The following TMC5 variants were observed in gnomAD, a reference collection of about 807,000 sequenced individuals.
TMC5 encodes transmembrane channel like 5.
A neutral mutation model predicts 110.5 loss-of-function variants in TMC5; 86 were observed. That is an observed-to-expected ratio of 0.78 (90% CI 0.65 to 0.93). TMC5 has a LOEUF of 0.93. Among genes scored for constraint, TMC5 ranks in the 40% least tolerant of loss-of-function variants. The probability of loss-of-function intolerance (pLI) is 0.00; values close to 1 mark genes in which losing one functional copy is unlikely to be tolerated. For synonymous variants in TMC5, 455 were observed against 439.5 expected (o/e 1.04, Z -0.44); for missense variants, 1,144 against 1,222.8 (o/e 0.94, Z 0.96).
intron 18 of TMC5, among the ~76,000 whole-genome samples, chr16:19,490,965 C>G (rs1968888448): frequency 9.1e-6 from 1 of 110,484 alleles, no homozygotes; most frequent in Non-Finnish European, 1.8e-5. Flanking sequence ...CTTCCCCTCC[C>G]TTCCCTTCCC....
At chr16:19,489,968 A>G (rs1968846203) in intron 17 of TMC5, among the ~76,000 whole-genome samples, 1 of 151,090 alleles carries the variant, frequency 6.6e-6, no homozygotes, top group African/African-American at 2.4e-5. Context: ...ATTTTTTTGT[A>G]GAGATGGAGT....
chr16:19,464,042 C>CA lies in TMC5; in HGVS notation c.1485+18_1485+19insA. 1 of 1,611,072 alleles carries CA rather than the reference C, an allele frequency of 6.2e-7. No homozygotes were observed. Among genetic ancestry groups the CA allele is most frequent in the Non-Finnish European group, 8.5e-7 (1 of 1,178,444 alleles). ...CTGGGGTGGTAAGTCCTCCACTTCC[C>CA]CTACCCCAAGTGCACCAATCACCTC... On this transcript the variant is annotated intron_variant, in intron 8 of 21. Transcript: ENST00000542583.
chr16:19,454,082 C>G (rs753198248), intron 5 of TMC5, among the ~76,000 whole-genome samples: 13 of 152,084 alleles, frequency 8.5e-5, no homozygotes, highest in Non-Finnish European at 1.3e-4. Context: ...GAGTTTCACT[C>G]TGTCCCCCAG....
At chr16:19,429,994 A>G (rs1449136524) in intron 1 of TMC5, among the ~76,000 whole-genome samples, 1 of 151,804 alleles carries the variant, frequency 6.6e-6, no homozygotes, top group Non-Finnish European at 1.5e-5. Flanking sequence ...GCGGACTGGG[A>G]CTTGAACATA....
chr16:19,470,831 C>T (rs1002156464), intron 10 of TMC5, among the ~76,000 whole-genome samples: 3 of 149,732 alleles, frequency 2.0e-5, no homozygotes, highest in Non-Finnish European at 4.4e-5. Context: ...CAGGAGTTCA[C>T]GACCAGCTTG....
rs752007819 is a variant in TMC5, at chr16:19,444,192, C to T, written c.900C>T (p.Ser300=). 1 of 1,613,980 alleles carries T rather than the reference C, an allele frequency of 6.2e-7. No homozygotes were observed. Residue 300 remains serine, a synonymous_variant, in exon 4 of 22, where the codon TCC becomes TCT. Coordinates refer to ENST00000542583, the MANE Select transcript of TMC5 (RefSeq NM_001261841.2). ...ACCCTGAAGGCATTGAAATGGCATC[C>T]ATGGAGATGGCAAACTCATATGGCC... is the stretch of plus-strand genomic sequence containing the variant. The part of the protein sequence containing the change: ...NDYPEGIEMA[S]MEMANSYGHS...
At chr16:19,474,033 C>T (rs1245773811) in intron 11 of TMC5, 92 bp from the exon 12 acceptor site, 2 of 1,274,780 alleles carry the variant, frequency 1.6e-6, no homozygotes, top group Non-Finnish European at 2.1e-6. Flanking sequence ...GGAGCTACTT[C>T]TCGGGTTTTC....
intron 2 of TMC5, among the ~76,000 whole-genome samples, chr16:19,437,866 GA>G (rs1306039388): frequency 6.6e-6 from 1 of 152,268 alleles, no homozygotes; most frequent in African/African-American, 2.4e-5. Context: ...CCACCCCAGT[GA>G]AATAAGAGCA....
intron 5 of TMC5, among the ~76,000 whole-genome samples, chr16:19,452,817 TA>T (rs992907507): frequency 1.3e-5 from 2 of 151,990 alleles, no homozygotes; most frequent in Admixed American, 6.6e-5. Context: ...AGAATTTCTT[TA>T]TGGCCAACTC....
At chr16:19,453,043 G>A (rs1462370331) in intron 5 of TMC5, among the ~76,000 whole-genome samples, 1 of 150,478 alleles carries the variant, frequency 6.6e-6, no homozygotes. Context: ...AACCCTGGTA[G>A]AAGAGGAGTC....
Position 19,440,274 on chromosome 16 carries a change from G to A in TMC5, c.236G>A (p.Ser79Asn). 5.0e-6 allele frequency: 8 copies of A among 1,614,112 alleles called. No homozygotes were observed. The highest frequency in any genetic ancestry group is 6.8e-6 in the Non-Finnish European group (8 of 1,180,022). Residue 79 changes from serine to asparagine, a missense_variant, in exon 3 of 22, where the codon AGT (serine) becomes AAT (asparagine). Physicochemically the swap from Ser to Asn is conservative, Grantham distance 46. Coordinates refer to ENST00000542583, the MANE Select transcript of TMC5 (RefSeq NM_001261841.2). ...LAEPNYPRSL[S>N]NPDYSGTRSN... ...GAACCAAATTATCCTAGATCTCTGAGTAATCCAGACTATTCTGGCACCAGA... is the reference window on the plus strand; with the variant it reads ...GAACCAAATTATCCTAGATCTCTGAATAATCCAGACTATTCTGGCACCAGA...
Position 19,440,156 on chromosome 16 carries a change from G to T in TMC5, c.118G>T (p.Gly40Cys). The T allele has an allele frequency of 6.2e-7, 1 of 1,614,104 alleles. No individual in the cohort carries two copies. Among genetic ancestry groups the T allele is most frequent in the Non-Finnish European group, 8.5e-7 (1 of 1,180,018 alleles). The change falls in exon 3 of 22, where the codon GGT (glycine) becomes TGT (cysteine). Residue 40 changes from glycine (G) to cysteine (C), a missense_variant. Coordinates refer to ENST00000542583, the MANE Select transcript of TMC5 (RefSeq NM_001261841.2). ...AACTCAAGGTTATCCAGATGTTCCA[G>T]GTCCTCTGAACAATCCAGACTACCC... Reference protein sequence around the residue: ...LKTQGYPDVPGPLNNPDYPGT... With the variant: ...LKTQGYPDVPCPLNNPDYPGT...
chr16:19,411,552 C>G (rs1048254026), intron 1 of TMC5: 1 of 152,190 alleles, frequency 6.6e-6, no homozygotes, highest in African/African-American at 2.4e-5. Context: ...TGAATATTAT[C>G]TAATCCAGGT....
chr16:19,422,911 G>T (rs1231984570), intron 1 of TMC5, among the ~76,000 whole-genome samples: 2 of 152,160 alleles, frequency 1.3e-5, no homozygotes, highest in Non-Finnish European at 1.5e-5. Context: ...TTGAGCCATT[G>T]CACTCCAGCC....
chr16:19,456,215 A>AT (rs748994543), intron 5 of TMC5, among the ~76,000 whole-genome samples: 8,891 of 142,788 alleles, frequency 0.062, 700 homozygotes, highest in African/African-American at 0.21. Context: ...TCAAAAAAAA[A>AT]AATATATATA....
intron 11 of TMC5, among the ~76,000 whole-genome samples, chr16:19,473,391 C>T (rs1276530238): frequency 5.9e-5 from 8 of 135,548 alleles, no homozygotes; most frequent in Admixed American, 3.1e-4. Flanking sequence ...ACCAGCAGCA[C>T]GGGCTAGCAG....
intron 1 of TMC5, among the ~76,000 whole-genome samples, chr16:19,429,101 C>T (rs570519875): frequency 6.6e-6 from 1 of 152,300 alleles, no homozygotes; most frequent in African/African-American, 2.4e-5. Context: ...GCTGGGATTA[C>T]AGGCATGAGC....
chr16:19,471,458 ATTC>A (rs1968339974), intron 10 of TMC5, among the ~76,000 whole-genome samples: 1 of 151,988 alleles, frequency 6.6e-6, no homozygotes, highest in Non-Finnish European at 1.5e-5. Flanking sequence ...ACCCAACCTT[ATTC>A]TTCAAGAAAG....
intron 3 of TMC5, 62 bp from the exon 4 acceptor site, chr16:19,444,019 G>A: frequency 6.9e-7 from 1 of 1,452,128 alleles, no homozygotes; most frequent in Non-Finnish European, 9.5e-7. Flanking sequence ...ATGGATGGAT[G>A]GATGGATGAC....
Sources: gnomAD v4.1 joint callset for allele counts (sites outside exome capture counted in the v4.1 genomes callset) on GRCh38, gnomAD v4.1.1 for gene constraint, MANE v1.5 for transcripts, NCBI Gene and HGNC (gene_info 2026-07-23, HGNC 2026-07-21) for gene names.